The following ITGA9 variants were observed in gnomAD, a reference collection of about 807,000 sequenced individuals.
ITGA9 encodes integrin alpha-9.
ITGA9 carries 56 observed loss-of-function variants against 127.8 expected under a neutral mutation model. That is an observed-to-expected ratio of 0.44 (90% CI 0.35 to 0.55). The LOEUF (loss-of-function observed/expected upper bound fraction) is 0.55. ITGA9 is among the 20% of genes least tolerant of loss of function. The pLI is 0.00. For synonymous variants in ITGA9, 508 were observed against 514.5 expected (o/e 0.99, Z 0.17); for missense variants, 1,196 against 1,347.1 (o/e 0.89, Z 1.76).
rs116342018 is a variant in ITGA9 at position 37,774,319 on chromosome 3, G to C, written c.2542-3073G>C. Among the ~76,000 whole-genome samples the C allele has an allele frequency of 1.4e-3, 214 of 152,132 alleles. 1 individual carries two copies. Among genetic ancestry groups the C allele is most frequent in the Middle Eastern group, 6.8e-3 (2 of 294 alleles). The stretch of plus-strand genomic sequence containing the variant: ...GCCTCCTTCCCATTGTTTCCCTCTC[G>C]TGACCTCTAAAATCGTCCAGACCTG... On this transcript the variant is annotated intron_variant, in intron 23 of 27. Coordinates refer to ENST00000264741, the MANE Select transcript of ITGA9 (RefSeq NM_002207.3).
In ITGA9 at chr3:37,629,201, C is replaced by T. The variant is rs758327966; in HGVS notation, c.1704C>T (p.Asp568=). 5.0e-6 allele frequency: 8 copies of T among 1,612,834 alleles called. 1 individual carries two copies. The highest frequency in any genetic ancestry group is 4.4e-5 in the South Asian group (4 of 91,020). The change falls in exon 16 of 28, where the codon GAC becomes GAT. Residue 568 remains aspartate, a synonymous_variant. Coordinates refer to ENST00000264741, the MANE Select transcript of ITGA9 (RefSeq NM_002207.3). The surrounding 1 kb of genome is among the most constrained non-coding windows in gnomAD (Gnocchi z 4.5). ...TATTGTTTCAGCGGAGGGTGCAGGA[C>T]GTCATCAGCCCGATCGTGTTTGAAG... is the stretch of plus-strand genomic sequence containing the variant. ...YVAHVKRRVQ[D]VISPIVFEAA...
chr3:37,511,354 C>A (rs1308990337), intron 8 of ITGA9, among the ~76,000 whole-genome samples: 1 of 152,152 alleles, frequency 6.6e-6, no homozygotes, highest in Non-Finnish European at 1.5e-5. Context: ...CGGACACACA[C>A]CCCAAAGCAT....
chr3:37,460,610 G>A (rs1698306171), intron 1 of ITGA9, among the ~76,000 whole-genome samples: 1 of 117,098 alleles, frequency 8.5e-6, no homozygotes, highest in South Asian at 2.6e-4. Context: ...TTTTTTTTGA[G>A]ATGGAGTCTT....
intron 11 of ITGA9, among the ~76,000 whole-genome samples, chr3:37,521,415 A>G (rs551805507): frequency 1.3e-4 from 20 of 152,330 alleles, no homozygotes; most frequent in Admixed American, 5.9e-4. Context: ...CGAGTTTACC[A>G]CGGAGAGTGT....
At chr3:37,651,689 C>T (rs1254880228) in intron 16 of ITGA9, among the ~76,000 whole-genome samples, 1 of 152,152 alleles carries the variant, frequency 6.6e-6, no homozygotes, top group Non-Finnish European at 1.5e-5. Flanking sequence ...TCACGATGGG[C>T]CTGAACTTGC....
rs752545472 is a variant in ITGA9 at position 37,776,690 on chromosome 3, G to GT, written c.2542-700dup. 1.1e-4 allele frequency among the ~76,000 whole-genome samples: 16 copies of GT among 152,354 alleles called. No homozygotes were observed. In the East Asian group the frequency reaches 2.7e-3, roughly 26 times the overall value. ...TAAGCACCATTGTTTTGTTTCTGAT[G>GT]TTGCTGTCACTCAGCACCGTTGCCA... On this transcript the variant is annotated intron_variant, in intron 23 of 27. Coordinates refer to ENST00000264741, the MANE Select transcript of ITGA9 (RefSeq NM_002207.3).
intron 18 of ITGA9, among the ~76,000 whole-genome samples, chr3:37,699,715 T>G (rs1456533810): frequency 2.0e-5 from 3 of 152,224 alleles, no homozygotes; most frequent in Admixed American, 6.5e-5. Context: ...TCTGACCCCG[T>G]TGCTGCCTCT....
intron 18 of ITGA9, among the ~76,000 whole-genome samples, chr3:37,689,592 G>T (rs1315899560): frequency 6.6e-6 from 1 of 152,152 alleles, no homozygotes; most frequent in African/African-American, 2.4e-5. Flanking sequence ...CTGGGGCCGG[G>T]GGGTGCTGCA....
intron 9 of ITGA9, among the ~76,000 whole-genome samples, chr3:37,517,135 A>C (rs182756191): frequency 6.6e-4 from 101 of 152,236 alleles, no homozygotes; most frequent in Admixed American, 2.4e-3. Flanking sequence ...TTTTAAAACA[A>C]CATTGGGGAA....
In ITGA9 at chr3:37,650,456, G is replaced by A. The variant is rs997967163; in HGVS notation, c.1840-3258G>A. Among the ~76,000 whole-genome samples the A allele has an allele frequency of 4.6e-5, 7 of 152,098 alleles. No homozygotes were observed. The South Asian group carries it at 1.5e-3, about 32-fold the overall frequency. On this transcript the variant is annotated intron_variant, in intron 16 of 27. Transcript: ENST00000264741. ...TTGTTTGTTTGTTTGTTTTGAGATG[G>A]AGTTTTGTTCTTATTGCCCAGGCTG...
intron 18 of ITGA9, among the ~76,000 whole-genome samples, chr3:37,685,688 C>T (rs1700776388): frequency 6.6e-6 from 1 of 152,140 alleles, no homozygotes; most frequent in South Asian, 2.1e-4. Context: ...CACTCAGGAC[C>T]CATGCGAGAA....
At chr3:37,735,728 T>C (rs1231057624) in intron 19 of ITGA9, among the ~76,000 whole-genome samples, 1 of 152,150 alleles carries the variant, frequency 6.6e-6, no homozygotes, top group African/African-American at 2.4e-5. Context: ...GTGAACACCA[T>C]TTACTTAGGG....
chr3:37,487,758 G>T (rs546124992), intron 4 of ITGA9, among the ~76,000 whole-genome samples: 2 of 152,214 alleles, frequency 1.3e-5, no homozygotes, highest in South Asian at 4.2e-4. Context: ...AGGTTTCTTT[G>T]TAGCTACCTG....
At chr3:37,498,827 A>G (rs1039999301) in intron 5 of ITGA9, among the ~76,000 whole-genome samples, 7 of 152,188 alleles carry the variant, frequency 4.6e-5, no homozygotes. Flanking sequence ...CTTTGAACTC[A>G]CTGCCTGCCT....
At chr3:37,535,457 C>A (rs1699198882) in intron 14 of ITGA9, among the ~76,000 whole-genome samples, 1 of 152,162 alleles carries the variant, frequency 6.6e-6, no homozygotes, top group African/African-American at 2.4e-5. Flanking sequence ...CTTTCTGGGG[C>A]CCCATCTAGC....
At chr3:37,714,675 G>A (rs1215428863) in intron 18 of ITGA9, among the ~76,000 whole-genome samples, 3 of 152,180 alleles carry the variant, frequency 2.0e-5, no homozygotes, top group African/African-American at 7.2e-5. Context: ...ATCCACACCA[G>A]CTGGGGCCTG....
intron 21 of ITGA9, 108 bp downstream of exon 21, chr3:37,741,927 C>T (rs1335261018): frequency 3.8e-6 from 3 of 789,468 alleles, no homozygotes; most frequent in South Asian, 1.5e-5. Flanking sequence ...GGCTGTGCCA[C>T]CTCCACTTCC....
At chr3:37,539,515 G>A (rs748782000) in intron 14 of ITGA9, among the ~76,000 whole-genome samples, 7 of 152,356 alleles carry the variant, frequency 4.6e-5, no homozygotes, top group Non-Finnish European at 1.0e-4. Context: ...AAGAGTTGAT[G>A]TTGCAGCTCA....
intron 23 of ITGA9, among the ~76,000 whole-genome samples, chr3:37,752,897 C>T (rs1259969200): frequency 6.6e-6 from 1 of 152,214 alleles, no homozygotes; most frequent in Non-Finnish European, 1.5e-5. Flanking sequence ...ACTCCAAACT[C>T]CCAGCCTTGG....
Sources: allele counts gnomAD v4.1 joint callset (sites outside exome capture counted in the v4.1 genomes callset), GRCh38; gene constraint gnomAD v4.1.1; non-coding constraint Gnocchi (gnomAD v3.1); transcripts MANE v1.5; gene names NCBI Gene and HGNC (gene_info 2026-07-23, HGNC 2026-07-21).